ZNF12: variants seen among roughly 807,000 people sequenced by gnomAD.
The protein encoded by ZNF12 is gonadotropin inducible transcription repressor 3.
ZNF12 carries 34 observed loss-of-function variants against 66.6 expected under a neutral mutation model. The ratio of observed to expected loss-of-function variants is 0.51; its 90% CI spans 0.39 to 0.68. The LOEUF (loss-of-function observed/expected upper bound fraction) is 0.68. Among genes scored for constraint, ZNF12 ranks in the 30% least tolerant of loss-of-function variants. The probability of loss-of-function intolerance (pLI) is 0.00; values close to 1 mark genes in which losing one functional copy is unlikely to be tolerated. For synonymous variants in ZNF12, 320 were observed against 278.9 expected (o/e 1.15, Z -1.47); for missense variants, 697 against 826.9 (o/e 0.84, Z 1.93).
At chr7:6,699,863 G>C (rs924241806) in intron 2 of ZNF12, among the ~76,000 whole-genome samples, 4 of 152,128 alleles carry the variant, frequency 2.6e-5, no homozygotes, top group African/African-American at 7.2e-5. Flanking sequence ...GCAAACAAAT[G>C]AAAGTAGATG....
chr7:6,690,726 A>G lies in ZNF12; in HGVS notation c.*122T>C. 1 of 1,007,552 alleles carries G rather than the reference A, an allele frequency of 9.9e-7. No homozygotes were observed. Among genetic ancestry groups the G allele is most frequent in the African/African-American group, 1.6e-5 (1 of 61,164 alleles). The allele number at this position is 1,007,552 out of a possible 1,614,324, so 62.4% of individuals were successfully genotyped here. A position where few individuals can be genotyped will look rare whatever the true frequency, so the allele number is the denominator to read the frequency against. On this transcript the variant is annotated 3_prime_UTR_variant, in exon 5 of 5. Coordinates refer to ENST00000405858, the MANE Select transcript of ZNF12 (RefSeq NM_016265.4). ...TGAGTCTTCAGATTATGAGTCCAAC[A>G]CACAAGGGGATGTCCACACTAACCT... is the stretch of plus-strand genomic sequence containing the variant.
In ZNF12 at chr7:6,705,303, C is replaced by G; in HGVS notation, c.-50-80G>C. 1 of 1,034,114 alleles carries G rather than the reference C, an allele frequency of 9.7e-7. No homozygotes were observed. The allele number at this position is 1,034,114 out of a possible 1,614,324, so 64.1% of individuals were successfully genotyped here. A position where few individuals can be genotyped will look rare whatever the true frequency, so the allele number is the denominator to read the frequency against. ...GGTCATCTCCCGCCCAAAACCTACACAGAAAGTTCCAAGAAGTACATCTTG... is the reference window on the plus strand; with the variant it reads ...GGTCATCTCCCGCCCAAAACCTACAGAGAAAGTTCCAAGAAGTACATCTTG... On this transcript the variant is annotated intron_variant, in intron 1 of 4. Coordinates refer to ENST00000405858, the MANE Select transcript of ZNF12 (RefSeq NM_016265.4). The surrounding 1 kb of genome is among the most constrained non-coding windows in gnomAD (Gnocchi z 4.0).
Position 6,691,832 on chromosome 7 carries a change from T to A in ZNF12, c.1110A>T (p.Gln370His). The change falls in exon 5 of 5, where the codon CAA becomes CAT. Residue 370 changes from glutamine (Q) to histidine (H), a missense_variant. Gln to His is a conservative substitution (Grantham distance 24). Transcript: ENST00000405858. Reference sequence around the variant, plus strand: ...TCTCTCCTGAATGTGTTCTCTGATGTTGTGTGAGGTGTGTCTTCTGGCAAA... The same window carrying A: ...TCTCTCCTGAATGTGTTCTCTGATGATGTGTGAGGTGTGTCTTCTGGCAAA... ...KSFCQKTHLT[Q>H]HQRTHSGERP... is the part of the protein sequence containing the mutation. 6.2e-7 allele frequency: 1 copy of A among 1,614,140 alleles called. No homozygotes were observed. The highest frequency in any genetic ancestry group is 8.5e-7 in the Non-Finnish European group (1 of 1,179,998).
chr7:6,706,785 G>C lies in ZNF12; in HGVS notation c.-404C>G, dbSNP rs947660712. On this transcript the variant is annotated 5_prime_UTR_variant, in exon 1 of 5. Coordinates refer to ENST00000405858, the MANE Select transcript of ZNF12 (RefSeq NM_016265.4). ...CCGGGGGTCGTGCTCGGGGATCCCC[G>C]CTTGAGCCTCCGCCTGGCCCGCACA... 1 of 249,902 alleles carries C rather than the reference G, an allele frequency of 4.0e-6. No individual in the cohort carries two copies. The highest frequency in any genetic ancestry group is 2.4e-5 in the African/African-American group (1 of 41,958). The allele number at this position is 249,902 out of a possible 1,614,324, so 15.5% of individuals were successfully genotyped here. A position where few individuals can be genotyped will look rare whatever the true frequency, so the allele number is the denominator to read the frequency against.
Position 6,692,280 on chromosome 7 carries a change from T to G in ZNF12, c.662A>C (p.Glu221Ala). 1 of 1,613,080 alleles carries G rather than the reference T, an allele frequency of 6.2e-7. No homozygotes were observed. The highest frequency in any genetic ancestry group is 8.5e-7 in the Non-Finnish European group (1 of 1,179,618). Reference sequence around the variant, plus strand: ...GTCCTTTTGGAAGGCTTTCTGGCATTCAATATATTCAAAAGGTTTCTCCAA... The same window carrying G: ...GTCCTTTTGGAAGGCTTTCTGGCATGCAATATATTCAAAAGGTTTCTCCAA... ...RILEKPFEYI[E>A]CQKAFQKDTV... Residue 221 changes from glutamate (E) to alanine (A), a missense_variant, in exon 5 of 5, where the codon GAA (glutamate) becomes GCA (alanine). Physicochemically the swap from Glu to Ala is moderately radical, Grantham distance 107 (BLOSUM62 -1). Transcript: ENST00000405858. This position sits in a 1 kb window ranked among gnomAD's most constrained non-coding sequence, Gnocchi z 5.1.
rs1012931048 is a variant in ZNF12 at position 6,697,845 on chromosome 7, T to C, written c.16-34A>G. On this transcript the variant is annotated intron_variant, in intron 2 of 4. Coordinates refer to ENST00000405858, the MANE Select transcript of ZNF12 (RefSeq NM_016265.4). The surrounding 1 kb of genome is among the most constrained non-coding windows in gnomAD (Gnocchi z 6.1). Reference sequence around the variant, plus strand: ...GCACCGTGATTGGAATTGGGTGACGTGAAATAGGCACATAGGTACAAGATC... The same window carrying C: ...GCACCGTGATTGGAATTGGGTGACGCGAAATAGGCACATAGGTACAAGATC... 6.2e-7 allele frequency: 1 copy of C among 1,613,580 alleles called. No homozygotes were observed. The highest frequency in any genetic ancestry group is 1.3e-5 in the African/African-American group (1 of 74,900).
chr7:6,691,127 G>A lies in ZNF12; in HGVS notation c.1815C>T (p.Tyr605=), dbSNP rs779122182. The change falls in exon 5 of 5, where the codon TAC becomes TAT. Residue 605 remains tyrosine, a synonymous_variant. Coordinates refer to ENST00000405858, the MANE Select transcript of ZNF12 (RefSeq NM_016265.4). ...AGCACTTCCCACATTCATAACATTC[G>A]TAGGCTTTCTCTCCTGTGTGTGTTC... The part of the protein sequence containing the change: ...HQRTHTGEKA[Y]ECYECGKCFS... The A allele has an allele frequency of 3.7e-6, 6 of 1,613,760 alleles. No individual in the cohort carries two copies. Among genetic ancestry groups the A allele is most frequent in the African/African-American group, 2.7e-5 (2 of 74,844 alleles).
chr7:6,695,542 T>A (rs765211537), intron 4 of ZNF12, among the ~76,000 whole-genome samples: 1 of 152,198 alleles, frequency 6.6e-6, no homozygotes, highest in Non-Finnish European at 1.5e-5. Flanking sequence ...CTGTAAATTA[T>A]TTCTGAATGG....
At chr7:6,695,275 C>T (rs1033537442) in intron 4 of ZNF12, among the ~76,000 whole-genome samples, 1 of 152,256 alleles carries the variant, frequency 6.6e-6, no homozygotes, top group Non-Finnish European at 1.5e-5. Context: ...TTTCCTATTT[C>T]CTTTGAACCT....
At chr7:6,694,514 T>C (rs1217305634) in intron 4 of ZNF12, among the ~76,000 whole-genome samples, 1 of 152,198 alleles carries the variant, frequency 6.6e-6, no homozygotes, top group African/African-American at 2.4e-5. Context: ...AGGAGGTTCC[T>C]AAGATAAGTC....
chr7:6,690,009 C>T lies in ZNF12; in HGVS notation c.*839G>A, dbSNP rs1187841930. The T allele has an allele frequency of 6.6e-6, 1 of 152,082 alleles. No homozygotes were observed. The allele number at this position is 152,082 out of a possible 1,614,324, so 9.4% of individuals were successfully genotyped here. A position where few individuals can be genotyped will look rare whatever the true frequency, so the allele number is the denominator to read the frequency against. ...GCATTATTAATTTTAAATTACCAAG[C>T]AAAGTTTTCTATCTATTTTATACAT... is the stretch of plus-strand genomic sequence containing the variant. On this transcript the variant is annotated 3_prime_UTR_variant, in exon 5 of 5. Coordinates refer to ENST00000405858, the MANE Select transcript of ZNF12 (RefSeq NM_016265.4).
At chr7:6,704,622 C>T (rs1364332854) in intron 2 of ZNF12, among the ~76,000 whole-genome samples, 3 of 144,438 alleles carry the variant, frequency 2.1e-5, no homozygotes, top group Non-Finnish European at 4.5e-5. Flanking sequence ...TGCCTGTAAT[C>T]CCAGCTACTC....
Position 6,691,350 on chromosome 7 carries a change from T to C in ZNF12, c.1592A>G (p.Tyr531Cys), listed in dbSNP as rs1780064809. Residue 531 changes from tyrosine (Y) to cysteine (C), a missense_variant, in exon 5 of 5, where the codon TAC becomes TGC. This residue lies in a region of ZNF12 where 401 missense variants were observed against 519.0 expected (regional missense o/e 0.77). Transcript: ENST00000405858. ...ATGTCTACAAAGGGCTGAGTTCTGG[T>C]AGAAGGTTTTCCCACATTCACTACA... The part of the protein sequence containing the change: ...YECSECGKTF[Y>C]QNSALCRHRR... 1 of 1,613,692 alleles carries C rather than the reference T, an allele frequency of 6.2e-7. No individual in the cohort carries two copies. The highest frequency in any genetic ancestry group is 1.3e-5 in the African/African-American group (1 of 74,842).
At chr7:6,701,699 T>A (rs1308672279) in intron 2 of ZNF12, among the ~76,000 whole-genome samples, 1 of 152,038 alleles carries the variant, frequency 6.6e-6, no homozygotes, top group Non-Finnish European at 1.5e-5. Flanking sequence ...CAAATAGGAA[T>A]GCTATGTCTA....
At position 6,691,790 on chromosome 7, in the gene ZNF12, A is replaced by C. The variant is rs755312415; in HGVS notation, c.1152T>G (p.His384Gln). The change falls in exon 5 of 5, where the codon CAT becomes CAG. Residue 384 changes from histidine to glutamine, a missense_variant. Coordinates refer to ENST00000405858, the MANE Select transcript of ZNF12 (RefSeq NM_016265.4). The part of the protein sequence containing the change: ...THSGERPYVC[H>Q]DCGKTFSQKS... The stretch of plus-strand genomic sequence containing the variant: ...TCTGCGAGAAGGTTTTCCCACAGTC[A>C]TGACAAACATAAGGTCTCTCTCCTG... 2 of 1,614,026 alleles carry C rather than the reference A, an allele frequency of 1.2e-6. No individual in the cohort carries two copies. The highest frequency in any genetic ancestry group is 2.2e-5 in the South Asian group (2 of 91,084).
chr7:6,697,964 A>G lies in ZNF12; in HGVS notation c.16-153T>C. 1 of 970,448 alleles carries G rather than the reference A, an allele frequency of 1.0e-6. No homozygotes were observed. The highest frequency in any genetic ancestry group is 1.7e-6 in the Non-Finnish European group (1 of 605,232). 60.1% of individuals were successfully genotyped at this position (970,448 alleles called of 1,614,324 possible). A position where few individuals can be genotyped will look rare whatever the true frequency, so the allele number is the denominator to read the frequency against. The stretch of plus-strand genomic sequence containing the variant: ...AGGGAAACAAACATATCAGAAATAC[A>G]CTGTTCTGGGGTTCATTCAGTATAC... On this transcript the variant is annotated intron_variant, in intron 2 of 4. Coordinates refer to ENST00000405858, the MANE Select transcript of ZNF12 (RefSeq NM_016265.4). This position sits in a 1 kb window ranked among gnomAD's most constrained non-coding sequence, Gnocchi z 6.1.
chr7:6,695,740 A>T (rs1780144952), intron 4 of ZNF12, among the ~76,000 whole-genome samples: 1 of 152,270 alleles, frequency 6.6e-6, no homozygotes, highest in African/African-American at 2.4e-5. Context: ...AATCAGAGTC[A>T]CTTCTTTATC....
intron 2 of ZNF12, among the ~76,000 whole-genome samples, chr7:6,699,691 G>C (rs765218198): frequency 2.7e-4 from 41 of 152,164 alleles, no homozygotes; most frequent in Non-Finnish European, 5.3e-4. Context: ...AGTCAGCCTG[G>C]TTTCCTTTAT....
At chr7:6,701,265 A>G (rs1780239081) in intron 2 of ZNF12, among the ~76,000 whole-genome samples, 1 of 152,242 alleles carries the variant, frequency 6.6e-6, no homozygotes, top group South Asian at 2.1e-4. Context: ...CAAGGAGAAC[A>G]TAAGCACCTT....
Sources: allele counts gnomAD v4.1 joint callset (sites outside exome capture counted in the v4.1 genomes callset), GRCh38; gene constraint gnomAD v4.1.1; regional missense constraint gnomAD v4.1.1; non-coding constraint Gnocchi (gnomAD v3.1); transcripts MANE v1.5; gene names NCBI Gene and HGNC (gene_info 2026-07-23, HGNC 2026-07-21).